MYO7A: variants seen among roughly 807,000 people sequenced by gnomAD.
MYO7A encodes unconventional myosin-VIIa.
In MYO7A, 210 loss-of-function variants were observed where a neutral mutation model predicts 263.8. The ratio of observed to expected loss-of-function variants is 0.80; its 90% CI spans 0.71 to 0.89. MYO7A has a LOEUF of 0.89. Ranked by LOEUF, MYO7A falls within the 40% of genes least tolerant of loss-of-function variation. The probability of loss-of-function intolerance (pLI) is 0.00; values close to 1 mark genes in which losing one functional copy is unlikely to be tolerated. For missense variants in MYO7A, 2,820 were observed against 2,968.3 expected (o/e 0.95, Z 1.16); for synonymous variants, 1,239 against 1,197.3 (o/e 1.03, Z -0.72).
intron 18 of MYO7A, among the ~76,000 whole-genome samples, chr11:77,176,791 C>A (rs1243366766): frequency 6.6e-6 from 1 of 152,196 alleles, no homozygotes. Context: ...TCTACCCTCC[C>A]CAAGGGCAGG....
At chr11:77,147,392 T>G (rs1465038010) in intron 3 of MYO7A, among the ~76,000 whole-genome samples, 1 of 148,400 alleles carries the variant, frequency 6.7e-6, no homozygotes, top group Non-Finnish European at 1.5e-5. Context: ...GAAATCACTT[T>G]TTAATGTTTT....
At position 77,177,641 on chromosome 11, in the gene MYO7A, CA is replaced by C; in HGVS notation, c.2281del (p.Arg761GlyfsTer5). On this transcript the variant is annotated frameshift_variant and splice_region_variant, in exon 19 of 49. Transcript: ENST00000409709. LOFTEE classifies it high-confidence loss of function. Reference sequence around the variant, plus strand: ...AGAAAGTCATCCGGGGATTCAAAGACAGGTGCGTGTTCCCACCAGCTCCTCC... The same window carrying C: ...AGAAAGTCATCCGGGGATTCAAAGACGGTGCGTGTTCCCACCAGCTCCTCC... ...LQKVIRGFKD[R>X]SNFLKLKNAA... 6.2e-7 allele frequency: 1 copy of C among 1,607,202 alleles called. No homozygotes were observed. The highest frequency in any genetic ancestry group is 8.5e-7 in the Non-Finnish European group (1 of 1,177,032).
intron 27 of MYO7A, chr11:77,185,036 A>G: frequency 2.0e-6 from 1 of 488,802 alleles, no homozygotes; most frequent in South Asian, 2.0e-5. Flanking sequence ...TATTTATACT[A>G]TACTATAGTC....
chr11:77,130,564 C>G, intron 1 of MYO7A, 25 bp from the exon 2 acceptor site: 1 of 1,583,448 alleles, frequency 6.3e-7, no homozygotes, highest in Non-Finnish European at 8.6e-7. Context: ...TGCCCAGAAG[C>G]ATGACATGGT....
Position 77,183,076 on chromosome 11 carries a change from C to A in MYO7A, c.3294C>A (p.Leu1098=). Residue 1098 remains leucine (L), a synonymous_variant, in exon 26 of 49, where the codon CTC becomes CTA. Transcript: ENST00000409709. The part of the protein sequence containing the change: ...QALQGEGEAQ[L]PEGQKKSSVR... ...CCCTGCTGGTCCTGCAGGCCCAGCT[C>A]CCCGAGGGCCAGAAGAAGAGCAGTG... 6.4e-7 allele frequency: 1 copy of A among 1,551,252 alleles called. No homozygotes were observed. The highest frequency in any genetic ancestry group is 1.2e-5 in the South Asian group (1 of 84,052).
At position 77,179,835 on chromosome 11, in the gene MYO7A, G is replaced by C. The variant is rs533027065; in HGVS notation, c.2468G>C (p.Arg823Pro). Residue 823 changes from arginine to proline, a missense_variant, in exon 21 of 49, where the codon CGC becomes CCC. Transcript: ENST00000409709. ...CAGCGCATCATCCAGTTCCAGGCCC[G>C]CTGCCGCGCCTATCTGGTGCGCAAG... ...ARQRIIQFQA[R>P]CRAYLVRKAF... 21 of 1,543,434 alleles carry C rather than the reference G, an allele frequency of 1.4e-5. No individual in the cohort carries two copies. The highest frequency in any genetic ancestry group is 1.7e-5 in the Non-Finnish European group (19 of 1,147,096).
intron 18 of MYO7A, among the ~76,000 whole-genome samples, chr11:77,175,996 C>A (rs1954623974): frequency 6.6e-6 from 1 of 152,214 alleles, no homozygotes; most frequent in African/African-American, 2.4e-5. Flanking sequence ...GTCGCGGAGT[C>A]ACAGCCTTGG....
intron 46 of MYO7A, 113 bp downstream of exon 46, chr11:77,212,050 G>T (rs1045743413): frequency 2.2e-6 from 2 of 898,918 alleles, no homozygotes; most frequent in Admixed American, 4.0e-5. Context: ...ACCTGCCCTG[G>T]TGAGGGAAGG....
At chr11:77,197,155 C>T (rs1956722602) in intron 32 of MYO7A, among the ~76,000 whole-genome samples, 1 of 152,248 alleles carries the variant, frequency 6.6e-6, no homozygotes, top group African/African-American at 2.4e-5. Flanking sequence ...GACCCCAGGG[C>T]CTTGGGCCTC....
chr11:77,159,015 G>C (rs1952742083), intron 9 of MYO7A, among the ~76,000 whole-genome samples: 1 of 152,228 alleles, frequency 6.6e-6, no homozygotes. Context: ...CACAGTCTAG[G>C]CATCTTGAAA....
In MYO7A at chr11:77,211,293, C is replaced by T; in HGVS notation, c.6193C>T (p.Pro2065Ser). Residue 2065 changes from proline (P) to serine (S), a missense_variant, in exon 45 of 49, where the codon CCC (proline) becomes TCC (serine). Pro to Ser is a moderately conservative substitution (Grantham distance 74). Transcript: ENST00000409709. Reference protein sequence around the residue: ...SIPKLLRELVPQDLIRQVSPD... With the variant: ...SIPKLLRELVSQDLIRQVSPD... Reference sequence around the variant, plus strand: ...CCCCAAGCTGCTGCGGGAGCTGGTGCCCCAGGACCTTATCCGGCAGGTCTC... The same window carrying T: ...CCCCAAGCTGCTGCGGGAGCTGGTGTCCCAGGACCTTATCCGGCAGGTCTC... 1 of 1,582,750 alleles carries T rather than the reference C, an allele frequency of 6.3e-7. No homozygotes were observed. The highest frequency in any genetic ancestry group is 2.3e-5 in the East Asian group (1 of 43,058).
chr11:77,157,027 C>T (rs1555063350), intron 7 of MYO7A, 23 bp downstream of exon 7: 23 of 1,607,174 alleles, frequency 1.4e-5, no homozygotes, highest in Non-Finnish European at 2.0e-5. Flanking sequence ...CCCAGGGATG[C>T]AGGAATAGAC....
rs376914704 is a variant in MYO7A at position 77,166,949 on chromosome 11, G to T, written c.1797+787G>T. On this transcript the variant is annotated intron_variant, in intron 15 of 48. Transcript: ENST00000409709. ...TGGTTCCTGTTGTAGTTTCTCTGTGGTTATTCATCGGGTACTCTGCGCCAC... is the reference window on the plus strand; with the variant it reads ...TGGTTCCTGTTGTAGTTTCTCTGTGTTTATTCATCGGGTACTCTGCGCCAC... 1.1e-4 allele frequency among the ~76,000 whole-genome samples: 16 copies of T among 152,264 alleles called. No individual in the cohort carries two copies. The East Asian group carries it at 1.7e-3, about 17-fold the overall frequency.
chr11:77,190,813 C>T lies in MYO7A; in HGVS notation c.3867C>T (p.Asp1289=). The change falls in exon 30 of 49, where the codon GAC becomes GAT. Residue 1289 remains aspartate, a synonymous_variant. Coordinates refer to ENST00000409709, the MANE Select transcript of MYO7A (RefSeq NM_000260.4). ...AGGAGCTCTGCAACGCGCTGGCCGACAAGATCTCTCTCAAGGACCGGTTCG... is the reference window on the plus strand; with the variant it reads ...AGGAGCTCTGCAACGCGCTGGCCGATAAGATCTCTCTCAAGGACCGGTTCG... The part of the protein sequence containing the change: ...TAKELCNALA[D]KISLKDRFGF... 1 of 1,591,518 alleles carries T rather than the reference C, an allele frequency of 6.3e-7. No individual in the cohort carries two copies. The highest frequency in any genetic ancestry group is 8.6e-7 in the Non-Finnish European group (1 of 1,169,424).
At chr11:77,134,007 G>A (rs1281120936) in intron 2 of MYO7A, among the ~76,000 whole-genome samples, 1 of 151,376 alleles carries the variant, frequency 6.6e-6, no homozygotes, top group Non-Finnish European at 1.5e-5. Context: ...TCGGCCCACT[G>A]CAACCTCTGC....
rs1555103458 is a variant in MYO7A at position 77,203,118 on chromosome 11, CG to C, written c.5229del (p.Leu1744CysfsTer61). The C allele has an allele frequency of 5.8e-6, 9 of 1,549,698 alleles. No homozygotes were observed. The highest frequency in any genetic ancestry group is 7.8e-6 in the Non-Finnish European group (9 of 1,147,358). ...VMVSKARGKD[R>X]LWSHTREPLK... ...GGTGTCCAAGGCCCGAGGCAAGGAC[CG>C]GCTGTGGAGCCACACGCGGGAACCG... On this transcript the variant is annotated frameshift_variant, in exon 38 of 49. Coordinates refer to ENST00000409709, the MANE Select transcript of MYO7A (RefSeq NM_000260.4). LOFTEE classifies it high-confidence loss of function.
rs1401437106 is a variant in MYO7A at position 77,207,369 on chromosome 11, G to A, written c.5823G>A (p.Glu1941=). 2.5e-6 allele frequency: 4 copies of A among 1,611,562 alleles called. No individual in the cohort carries two copies. Among genetic ancestry groups the A allele is most frequent in the South Asian group, 1.1e-5 (1 of 90,344 alleles). Residue 1941 remains glutamate (E), a synonymous_variant, in exon 42 of 49, where the codon GAG becomes GAA. Transcript: ENST00000409709. The part of the protein sequence containing the change: ...IATRLLLKSS[E]GFSLFVKIAD... The stretch of plus-strand genomic sequence containing the variant: ...CCAGGCTGCTCCTCAAGTCCTCAGA[G>A]GGATTCAGCCTCTTTGTCAAAATTG...
In MYO7A at chr11:77,170,084, AATAG is replaced by A. The variant is rs574253263; in HGVS notation, c.1798-2658_1798-2655del. On this transcript the variant is annotated intron_variant, in intron 15 of 48. Transcript: ENST00000409709. Reference sequence around the variant, plus strand: ...AGACCTTGCTTCAAAAATAATAGTAAATAGATAGAAAGCCAATAAATAAGTAAAA... The same window carrying A: ...AGACCTTGCTTCAAAAATAATAGTAAATAGAAAGCCAATAAATAAGTAAAA... Among the ~76,000 whole-genome samples the A allele has an allele frequency of 1.1e-4, 16 of 152,286 alleles. No homozygotes were observed. In the South Asian group the frequency reaches 3.3e-3, roughly 32 times the overall value.
intron 2 of MYO7A, among the ~76,000 whole-genome samples, chr11:77,134,999 G>C (rs1555047021): frequency 1.3e-5 from 2 of 151,850 alleles, no homozygotes; most frequent in Non-Finnish European, 2.9e-5. Context: ...TGGCCAGGCT[G>C]GTCTTGAACC....
Sources: allele counts gnomAD v4.1 joint callset (sites outside exome capture counted in the v4.1 genomes callset), GRCh38; gene constraint gnomAD v4.1.1; transcripts MANE v1.5; gene names NCBI Gene and HGNC (gene_info 2026-07-23, HGNC 2026-07-21).